KMT2E: variants seen among roughly 807,000 people sequenced by gnomAD.
KMT2E encodes the protein histone reader KMT2E.
Under a neutral mutation model 184.6 loss-of-function variants are expected in KMT2E, and 30 were observed. That is an observed-to-expected ratio of 0.16 (90% confidence interval 0.12 to 0.22). KMT2E has a LOEUF of 0.22. Ranked by LOEUF, KMT2E falls within the 10% of genes least tolerant of loss-of-function variation. The pLI is 1.00. For synonymous variants in KMT2E, 815 were observed against 776.5 expected (o/e 1.05, Z -0.82); for missense variants, 2,023 against 2,237.4 (o/e 0.90, Z 1.93).
At chr7:105,027,068 C>T (rs1025857804) in intron 1 of KMT2E, among the ~76,000 whole-genome samples, 3 of 143,838 alleles carry the variant, frequency 2.1e-5, no homozygotes, top group Non-Finnish European at 4.5e-5. Context: ...AGAAAGGCCC[C>T]GCCCTCTTTT....
intron 5 of KMT2E, chr7:105,063,936 A>G (rs1279831161): frequency 2.2e-6 from 1 of 453,998 alleles, no homozygotes; most frequent in Non-Finnish European, 4.4e-6. Context: ...GTGCTTAGTC[A>G]ACTGTGATTT....
At chr7:105,063,971 T>C in intron 5 of KMT2E, 1 of 450,446 alleles carries the variant, frequency 2.2e-6, no homozygotes, top group Non-Finnish European at 4.4e-6. Context: ...ATTAAACATT[T>C]TCATTGATGT....
intron 2 of KMT2E, chr7:105,038,470 C>T (rs1427068207): frequency 6.6e-6 from 1 of 152,006 alleles, no homozygotes; most frequent in Non-Finnish European, 1.5e-5. Context: ...TCAAGCGATT[C>T]TCCTGCCTCA....
intron 3 of KMT2E, among the ~76,000 whole-genome samples, chr7:105,053,324 G>T (rs1796423679): frequency 6.6e-6 from 1 of 151,988 alleles, no homozygotes; most frequent in Admixed American, 6.6e-5. Context: ...AGGAAGAGAA[G>T]GGATGTAAAA....
chr7:105,056,482 A>G (rs973201929), intron 3 of KMT2E, among the ~76,000 whole-genome samples: 1 of 152,128 alleles, frequency 6.6e-6, no homozygotes, highest in African/African-American at 2.4e-5. Context: ...TCCACCTGCC[A>G]TGTTTTCTTG....
chr7:105,025,898 C>A (rs1391191130), intron 1 of KMT2E, among the ~76,000 whole-genome samples: 1 of 152,120 alleles, frequency 6.6e-6, no homozygotes, highest in Non-Finnish European at 1.5e-5. Flanking sequence ...AGGAAGTCTA[C>A]ATTCAGATTG....
rs573021963 is a variant in KMT2E, at chr7:105,081,378, G to A, written c.1249-310G>A. On this transcript the variant is annotated intron_variant, in intron 12 of 26. Coordinates refer to ENST00000311117, the MANE Select transcript of KMT2E (RefSeq NM_182931.3). ...CAGCCTGGGCGAAAGTGTGAGACTC[G>A]TCTCAAAAAAATAAAAATAAGAAGA... 7.3e-5 allele frequency among the ~76,000 whole-genome samples: 11 copies of A among 151,556 alleles called. No homozygotes were observed. The East Asian group carries it at 1.4e-3, about 19-fold the overall frequency.
intron 2 of KMT2E, among the ~76,000 whole-genome samples, chr7:105,039,823 A>C (rs934574922): frequency 1.3e-5 from 2 of 152,160 alleles, no homozygotes; most frequent in Non-Finnish European, 2.9e-5. Context: ...GCTGTTTTCT[A>C]ATTTATAGGA....
intron 13 of KMT2E, among the ~76,000 whole-genome samples, chr7:105,088,997 G>C (rs376359181): frequency 1.2e-4 from 18 of 152,230 alleles, no homozygotes; most frequent in Middle Eastern, 3.4e-3. Flanking sequence ...TTCTTATGTA[G>C]GTCACATTTC....
chr7:105,090,294 T>C, intron 14 of KMT2E, 21 bp downstream of exon 14: 2 of 1,566,000 alleles, frequency 1.3e-6, no homozygotes, highest in Non-Finnish European at 1.7e-6. Context: ...CTGCTCTCAA[T>C]GAAATTGAAT....
At chr7:105,026,684 G>A (rs902629244) in intron 1 of KMT2E, among the ~76,000 whole-genome samples, 2 of 152,172 alleles carry the variant, frequency 1.3e-5, no homozygotes, top group Admixed American at 6.5e-5. Flanking sequence ...TCTTTGAATT[G>A]TATGTTTAAA....
At chr7:105,065,511 C>T (rs565739036) in intron 5 of KMT2E, among the ~76,000 whole-genome samples, 10 of 152,258 alleles carry the variant, frequency 6.6e-5, no homozygotes, top group Non-Finnish European at 1.3e-4. Context: ...TGTTCCAAGA[C>T]GCCCAGTAGA....
Position 105,105,661 on chromosome 7 carries a change from C to G in KMT2E, c.2419C>G (p.Pro807Ala). Residue 807 changes from proline to alanine, a missense_variant, in exon 18 of 27, where the codon CCT (proline) becomes GCT (alanine). Coordinates refer to ENST00000311117, the MANE Select transcript of KMT2E (RefSeq NM_182931.3). ...FLSEKRRRKE[P>A]TENISGSCKK... is the part of the protein sequence containing the mutation. ...TTCAGAAAAAAGGAGAAGAAAAGAA[C>G]CTACTGAAAACATTTCTGGTTCATG... 1 of 1,604,750 alleles carries G rather than the reference C, an allele frequency of 6.2e-7. No individual in the cohort carries two copies. The highest frequency in any genetic ancestry group is 8.5e-7 in the Non-Finnish European group (1 of 1,177,760).
At chr7:105,078,804 G>T in intron 11 of KMT2E, 42 bp from the exon 12 acceptor site, 1 of 1,149,748 alleles carries the variant, frequency 8.7e-7, no homozygotes. Context: ...CAGCATGCCC[G>T]GCCTAAAATG....
intron 3 of KMT2E, among the ~76,000 whole-genome samples, chr7:105,048,590 A>G (rs1796200311): frequency 6.6e-6 from 1 of 152,168 alleles, no homozygotes; most frequent in Non-Finnish European, 1.5e-5. Flanking sequence ...CGTGTGTGTT[A>G]TTGAAAATCC....
chr7:105,039,677 T>G (rs1795800922), intron 2 of KMT2E, among the ~76,000 whole-genome samples: 1 of 152,198 alleles, frequency 6.6e-6, no homozygotes, highest in Non-Finnish European at 1.5e-5. Flanking sequence ...GCCTTGAACT[T>G]TTAAACTATG....
chr7:105,096,049 G>C (rs1798396678), intron 15 of KMT2E, among the ~76,000 whole-genome samples: 1 of 152,084 alleles, frequency 6.6e-6, no homozygotes, highest in Admixed American at 6.6e-5. Flanking sequence ...GAGTCCACGA[G>C]TTCGAGACCA....
chr7:105,113,471 T>C lies in KMT2E; in HGVS notation c.*138T>C, dbSNP rs1258869415. 2 of 1,001,516 alleles carry C rather than the reference T, an allele frequency of 2.0e-6. No homozygotes were observed. The highest frequency in any genetic ancestry group is 3.2e-4 in the Middle Eastern group (1 of 3,156). 62.0% of individuals were successfully genotyped at this position (1,001,516 alleles called of 1,614,324 possible). On this transcript the variant is annotated 3_prime_UTR_variant, in exon 27 of 27. Transcript: ENST00000311117. ...CCAGTGCTCTTTCGTTGTATTTTTC[T>C]CATTTTTGCTTTTTAAAATTCCTTT...
At chr7:105,058,639 G>A (rs534510195) in intron 3 of KMT2E, among the ~76,000 whole-genome samples, 2 of 152,282 alleles carry the variant, frequency 1.3e-5, no homozygotes, top group East Asian at 3.9e-4. Context: ...TGTTCTACTT[G>A]TTGGAAACAG....
Sources: gnomAD v4.1 joint callset for allele counts (sites outside exome capture counted in the v4.1 genomes callset) on GRCh38, gnomAD v4.1.1 for gene constraint, MANE v1.5 for transcripts, NCBI Gene and HGNC (gene_info 2026-07-23, HGNC 2026-07-21) for gene names.